ERC1: variants seen among roughly 807,000 people sequenced by gnomAD.
ERC1 encodes ELKS/RAB6-interacting/CAST family member 1.
ERC1 carries 56 observed loss-of-function variants against 132.0 expected under a neutral mutation model. The ratio of observed to expected loss-of-function variants is 0.42; its 90% CI spans 0.34 to 0.53. ERC1 has a LOEUF of 0.53. Ranked by LOEUF, ERC1 falls within the 20% of genes least tolerant of loss-of-function variation. The pLI is 0.03. For synonymous variants in ERC1, 478 were observed against 476.1 expected, an observed-to-expected ratio of 1.00 and a Z score of -0.05; for missense variants, 1,202 against 1,349.9, an observed-to-expected ratio of 0.89 and a Z score of 1.72.
At chr12:1,432,572 A>G (rs1359040609) in intron 17 of ERC1, among the ~76,000 whole-genome samples, 4 of 152,272 alleles carry the variant, frequency 2.6e-5, no homozygotes, top group Non-Finnish European at 4.4e-5. Flanking sequence ...CAGTTTACAG[A>G]TGACAAAACA....
intron 18 of ERC1, among the ~76,000 whole-genome samples, chr12:1,472,494 T>A (rs966737005): frequency 9.9e-5 from 15 of 151,630 alleles, no homozygotes; most frequent in African/African-American, 2.9e-4. Context: ...ACAAAAAAAA[T>A]TTAAAATTAG....
intron 15 of ERC1, among the ~76,000 whole-genome samples, chr12:1,357,154 A>G (rs2085624398): frequency 6.6e-6 from 1 of 152,196 alleles, no homozygotes; most frequent in Non-Finnish European, 1.5e-5. Context: ...AGTGTACCAC[A>G]AATCCCAAAA....
At chr12:1,237,909 GAT>G (rs1212430103) in intron 13 of ERC1, among the ~76,000 whole-genome samples, 1 of 152,196 alleles carries the variant, frequency 6.6e-6, no homozygotes, top group Non-Finnish European at 1.5e-5. Context: ...TTACTGGAGA[GAT>G]TTGGAGGGTT....
At chr12:1,438,906 C>T (rs111623248) in intron 17 of ERC1, among the ~76,000 whole-genome samples, 4 of 151,334 alleles carry the variant, frequency 2.6e-5, no homozygotes, top group African/African-American at 7.3e-5. Flanking sequence ...TGCATCACTG[C>T]ACTCCAGTCT....
At chr12:1,154,870 C>T (rs1454323768) in intron 8 of ERC1, among the ~76,000 whole-genome samples, 1 of 152,142 alleles carries the variant, frequency 6.6e-6, no homozygotes, top group Non-Finnish European at 1.5e-5. Flanking sequence ...CACCCTACCC[C>T]ATCCAGAAGG....
At chr12:1,215,362 C>T (rs1253542872) in intron 12 of ERC1, among the ~76,000 whole-genome samples, 4 of 152,198 alleles carry the variant, frequency 2.6e-5, no homozygotes, top group African/African-American at 7.2e-5. Context: ...TCTTACAGCT[C>T]AAAACAAAAC....
rs78839686 is a variant in ERC1, at chr12:1,202,296, A to T, written c.2351+12244A>T. Among the ~76,000 whole-genome samples the T allele has an allele frequency of 4.5e-3, 688 of 152,306 alleles. 5 individuals are homozygous for T. Among genetic ancestry groups the T allele is most frequent in the African/African-American group, 0.016 (646 of 41,572 alleles). ...TAATGGCTACTGTAGTGTTTCACCT[A>T]AAAGTATAAAGATTAGGATTACATA... is the stretch of plus-strand genomic sequence containing the variant. On this transcript the variant is annotated intron_variant, in intron 12 of 18. Transcript: ENST00000360905.
At chr12:1,447,253 C>T (rs908259355) in intron 18 of ERC1, among the ~76,000 whole-genome samples, 1 of 152,054 alleles carries the variant, frequency 6.6e-6, no homozygotes, top group African/African-American at 2.4e-5. Flanking sequence ...CACAGTGGCT[C>T]CCACCTGTAA....
At chr12:1,415,979 A>T (rs2092100969) in intron 17 of ERC1, among the ~76,000 whole-genome samples, 1 of 152,194 alleles carries the variant, frequency 6.6e-6, no homozygotes, top group Non-Finnish European at 1.5e-5. Context: ...ATTTTCCAAG[A>T]TTACACAGCT....
intron 16 of ERC1, among the ~76,000 whole-genome samples, chr12:1,400,916 A>ATTATTTTTTTTTTTTT (rs2090981093): frequency 2.7e-4 from 4 of 15,040 alleles, no homozygotes; most frequent in African/African-American, 1.2e-3. Flanking sequence ...CTATTTTTGT[A>ATTATTTTTTTTTTTTT]TTTTTTTTTT....
At chr12:1,134,641 C>T (rs565631014) in intron 7 of ERC1, among the ~76,000 whole-genome samples, 22 of 151,954 alleles carry the variant, frequency 1.4e-4, no homozygotes, top group East Asian at 3.9e-4. Flanking sequence ...TGTGAGCCAC[C>T]GCACCTGGCC....
chr12:1,307,719 C>T (rs1214073080), intron 15 of ERC1, among the ~76,000 whole-genome samples: 1 of 152,128 alleles, frequency 6.6e-6, no homozygotes, highest in Non-Finnish European at 1.5e-5. Flanking sequence ...TAAAATTGAG[C>T]ATTTTTAACT....
At chr12:1,144,735 C>T (rs184642430) in intron 8 of ERC1, among the ~76,000 whole-genome samples, 20 of 149,718 alleles carry the variant, frequency 1.3e-4, no homozygotes, top group African/African-American at 4.5e-4. Context: ...TTTGGAATTG[C>T]GAATGTGCTA....
chr12:1,486,783 T>C (rs374803934), intron 18 of ERC1, among the ~76,000 whole-genome samples: 6 of 152,266 alleles, frequency 3.9e-5, no homozygotes, highest in African/African-American at 1.4e-4. Flanking sequence ...CTGAAAAAAA[T>C]GTTCTTAAAC....
At chr12:1,351,795 T>C (rs1193277502) in intron 15 of ERC1, among the ~76,000 whole-genome samples, 1 of 152,162 alleles carries the variant, frequency 6.6e-6, no homozygotes, top group Non-Finnish European at 1.5e-5. Flanking sequence ...ATTTTCTTAG[T>C]GTTGAATTTT....
chr12:1,483,973 C>T (rs1386517558), intron 18 of ERC1, among the ~76,000 whole-genome samples: 3 of 151,482 alleles, frequency 2.0e-5, no homozygotes, highest in Admixed American at 6.6e-5. Context: ...GGATTATAGG[C>T]GTGAGCCGCT....
intron 15 of ERC1, among the ~76,000 whole-genome samples, chr12:1,331,555 G>A (rs2082862863): frequency 6.6e-6 from 1 of 152,174 alleles, no homozygotes; most frequent in Non-Finnish European, 1.5e-5. Flanking sequence ...CACAGAGCCG[G>A]TAGATACCTT....
rs74635748 is a variant in ERC1 at position 1,352,262 on chromosome 12, G to A, written c.2781-19571G>A. Among the ~76,000 whole-genome samples, 4 of 152,204 alleles carry A rather than the reference G, an allele frequency of 2.6e-5. No homozygotes were observed. In the East Asian group the frequency reaches 7.7e-4, roughly 29 times the overall value. On this transcript the variant is annotated intron_variant, in intron 15 of 18. Transcript: ENST00000360905. ...GTTTTCTCAGTGTTCCTTGTGAGCC[G>A]TGTCACATAGAAGGCATTTAATAAA...
intron 15 of ERC1, among the ~76,000 whole-genome samples, chr12:1,296,750 G>A (rs953191697): frequency 2.6e-5 from 4 of 152,128 alleles, no homozygotes; most frequent in African/African-American, 9.7e-5. Flanking sequence ...AAGAGTCAGT[G>A]AACTTCAAAA....
Sources: gnomAD v4.1 joint callset for allele counts (sites outside exome capture counted in the v4.1 genomes callset) on GRCh38, gnomAD v4.1.1 for gene constraint, MANE v1.5 for transcripts, NCBI Gene and HGNC (gene_info 2026-07-23, HGNC 2026-07-21) for gene names.